Variants in YBX3 observed in about 807,000 individuals in gnomAD.
YBX3 encodes Y-box-binding protein 3.
A neutral mutation model predicts 42.4 loss-of-function variants in YBX3; 29 were observed. The ratio of observed to expected loss-of-function variants is 0.68; its 90% CI spans 0.51 to 0.93. The LOEUF (loss-of-function observed/expected upper bound fraction) is 0.93, where lower values mean the gene tolerates loss of function less well. Ranked by LOEUF, YBX3 falls within the 40% of genes least tolerant of loss-of-function variation. YBX3 has a pLI of 0.00. For missense variants in YBX3, 517 were observed against 527.5 expected (o/e 0.98, Z 0.19); for synonymous variants, 195 against 189.8 (o/e 1.03, Z -0.22).
intron 4 of YBX3, among the ~76,000 whole-genome samples, chr12:10,715,447 G>A (rs1179351836): frequency 6.6e-6 from 1 of 151,998 alleles, no homozygotes; most frequent in Non-Finnish European, 1.5e-5. Flanking sequence ...TAGGGAGACT[G>A]AGGCAGAGGA....
intron 4 of YBX3, 25 bp from the exon 5 acceptor site, chr12:10,713,358 C>T (rs1187814055): frequency 6.2e-7 from 1 of 1,608,290 alleles, no homozygotes; most frequent in African/African-American, 1.3e-5. Context: ...AAAAGATGGC[C>T]TCAAAATTAA....
At chr12:10,710,342 C>T in intron 5 of YBX3, 1 of 1,422,448 alleles carries the variant, frequency 7.0e-7, no homozygotes, top group Non-Finnish European at 9.1e-7. Context: ...AGCAGAAAAG[C>T]AAGAGCAATC....
intron 7 of YBX3, chr12:10,703,846 G>T: frequency 1.9e-6 from 1 of 512,954 alleles, no homozygotes; most frequent in Non-Finnish European, 3.5e-6. Flanking sequence ...AATACAAAAT[G>T]ACGCTTTGGC....
intron 7 of YBX3, 65 bp downstream of exon 7, chr12:10,703,986 A>G: frequency 6.8e-7 from 1 of 1,468,200 alleles, no homozygotes; most frequent in South Asian, 1.1e-5. Context: ...GGAACCACAC[A>G]GTCCTCATTC....
chr12:10,720,818 C>T (rs1402175654), intron 1 of YBX3: 1 of 152,164 alleles, frequency 6.6e-6, no homozygotes, highest in Non-Finnish European at 1.5e-5. Flanking sequence ...GTTATTTTTA[C>T]TCTCCAATGT....
intron 8 of YBX3, among the ~76,000 whole-genome samples, chr12:10,701,613 C>T (rs897134087): frequency 1.3e-5 from 2 of 151,374 alleles, no homozygotes; most frequent in East Asian, 3.9e-4. Context: ...GCTTACAAAA[C>T]GGCAACTAAA....
At chr12:10,713,485 A>G in intron 4 of YBX3, 152 bp from the exon 5 acceptor site, 2 of 988,910 alleles carry the variant, frequency 2.0e-6, no homozygotes, top group Non-Finnish European at 2.9e-6. Context: ...AAACAAAGTG[A>G]GCAAGGTACT....
At chr12:10,703,385 T>C (rs1591572944) in intron 7 of YBX3, 1 of 168,328 alleles carries the variant, frequency 5.9e-6, no homozygotes, top group South Asian at 1.3e-4. Context: ...CCTAATTCAG[T>C]CTTCCAAAGG....
At chr12:10,704,238 G>T in intron 6 of YBX3, 90 bp from the exon 7 acceptor site, 1 of 1,078,032 alleles carries the variant, frequency 9.3e-7, no homozygotes. Context: ...TTTTTTAGAA[G>T]TAAAAAACAA....
At chr12:10,717,837 A>G in intron 3 of YBX3, 1 of 324,948 alleles carries the variant, frequency 3.1e-6, no homozygotes, top group Non-Finnish European at 5.5e-6. Context: ...TAAAAATTAG[A>G]AAGTGGTCTA....
intron 4 of YBX3, among the ~76,000 whole-genome samples, chr12:10,713,653 G>A (rs1451268909): frequency 6.6e-6 from 1 of 152,176 alleles, no homozygotes; most frequent in Non-Finnish European, 1.5e-5. Context: ...TGCTAGACCA[G>A]GAAGAATATT....
intron 4 of YBX3, among the ~76,000 whole-genome samples, chr12:10,714,356 T>C (rs974850823): frequency 2.0e-5 from 3 of 152,238 alleles, no homozygotes; most frequent in African/African-American, 7.2e-5. Context: ...TTAGCTGCCA[T>C]GGCAGTTGTG....
chr12:10,700,462 TA>T (rs1022326960), intron 9 of YBX3, among the ~76,000 whole-genome samples: 2 of 150,804 alleles, frequency 1.3e-5, no homozygotes, highest in South Asian at 2.1e-4. Context: ...GGTTATAGGT[TA>T]AAAAAAAACA....
At chr12:10,707,735 C>T (rs1948153756) in intron 6 of YBX3, among the ~76,000 whole-genome samples, 1 of 152,168 alleles carries the variant, frequency 6.6e-6, no homozygotes, top group Non-Finnish European at 1.5e-5. Context: ...CATGTCTGAC[C>T]TCCCCTGAGA....
chr12:10,700,120 TTAA>T (rs1335162962), intron 9 of YBX3, among the ~76,000 whole-genome samples: 9 of 152,188 alleles, frequency 5.9e-5, no homozygotes, highest in African/African-American at 9.6e-5. Context: ...TTTTATATTA[TTAA>T]TATGTTACTC....
At position 10,701,240 on chromosome 12, in the gene YBX3, G is replaced by A. The variant is rs1365570361; in HGVS notation, c.*34+14C>T. The A allele has an allele frequency of 9.0e-6, 7 of 773,554 alleles. No homozygotes were observed. The highest frequency in any genetic ancestry group is 1.7e-5 in the African/African-American group (1 of 58,760). 47.9% of individuals were successfully genotyped at this position (773,554 alleles called of 1,614,324 possible). A position where few individuals can be genotyped will look rare whatever the true frequency, so the allele number is the denominator to read the frequency against. On this transcript the variant is annotated intron_variant, in intron 9 of 9. Transcript: ENST00000228251. ...GAAAATACCAACTCAAGACTGGGCT[G>A]CCCCAGCTCTTACCTGCCGATGGTG...
intron 6 of YBX3, among the ~76,000 whole-genome samples, chr12:10,709,129 G>C (rs756860387): frequency 6.6e-6 from 1 of 152,098 alleles, no homozygotes; most frequent in Non-Finnish European, 1.5e-5. Flanking sequence ...GCAAAGAACA[G>C]ACTGAACATA....
intron 8 of YBX3, 97 bp downstream of exon 8, chr12:10,701,863 G>A: frequency 7.4e-7 from 1 of 1,357,156 alleles, no homozygotes; most frequent in South Asian, 1.4e-5. Context: ...TATTTGTTAA[G>A]TGTCAGGTTT....
At position 10,715,680 on chromosome 12, in the gene YBX3, C is replaced by T. The variant is rs1333124206; in HGVS notation, c.450+14G>A. On this transcript the variant is annotated intron_variant, in intron 4 of 9. Coordinates refer to ENST00000228251, the MANE Select transcript of YBX3 (RefSeq NM_003651.5). ...GTGCCAGCACTTTGATACCCAACCA[C>T]AATTTCCTCTCACCTTCTCTCCTTC... 5 of 1,611,578 alleles carry T rather than the reference C, an allele frequency of 3.1e-6. No individual in the cohort carries two copies. Among genetic ancestry groups the T allele is most frequent in the Non-Finnish European group, 4.2e-6 (5 of 1,177,840 alleles).
Sources: allele counts gnomAD v4.1 joint callset (sites outside exome capture counted in the v4.1 genomes callset), GRCh38; gene constraint gnomAD v4.1.1; transcripts MANE v1.5; gene names NCBI Gene and HGNC (gene_info 2026-07-23, HGNC 2026-07-21).